The following ERBB4 variants were observed in gnomAD, a reference collection of about 807,000 sequenced individuals.
The protein encoded by ERBB4 is erb-b2 receptor tyrosine kinase 4, also known as receptor tyrosine-protein kinase erbB-4.
In ERBB4, 42 loss-of-function variants were observed where a neutral mutation model predicts 158.0. The observed-to-expected ratio is 0.27, with a 90% CI of 0.21 to 0.34. The LOEUF is 0.34. Among genes scored for constraint, ERBB4 ranks in the 10% least tolerant of loss-of-function variants. ERBB4 has a pLI of 1.00. For synonymous variants in ERBB4, 583 were observed against 558.7 expected (o/e 1.04, Z -0.61); for missense variants, 1,333 against 1,624.1 (o/e 0.82, Z 3.08).
chr2:211,879,351 C>A (rs1394028482), intron 3 of ERBB4, among the ~76,000 whole-genome samples: 2 of 151,930 alleles, frequency 1.3e-5, no homozygotes, highest in African/African-American at 2.4e-5. Flanking sequence ...GAATAACAGG[C>A]AAAATATATA....
Position 212,082,323 on chromosome 2 carries a change from A to G in ERBB4, c.234+42429T>C, listed in dbSNP as rs575235592. ...AAATATATTGTGTTTAATTTTTAAG[A>G]AACAAGGAGAAAATTCAAGGAGATT... On this transcript the variant is annotated intron_variant, in intron 2 of 27. Transcript: ENST00000342788. Among the ~76,000 whole-genome samples, 29 of 152,216 alleles carry G rather than the reference A, an allele frequency of 1.9e-4. No homozygotes were observed. The South Asian group carries it at 5.8e-3, about 30-fold the overall frequency.
chr2:212,449,142 A>G (rs1227122087), intron 1 of ERBB4, among the ~76,000 whole-genome samples: 2 of 152,036 alleles, frequency 1.3e-5, no homozygotes, highest in Non-Finnish European at 2.9e-5. Context: ...ACTAGTGCTT[A>G]TTTCTTCTTT....
intron 25 of ERBB4, among the ~76,000 whole-genome samples, chr2:211,414,760 C>G (rs953005118): frequency 2.0e-5 from 3 of 152,064 alleles, no homozygotes; most frequent in Non-Finnish European, 4.4e-5. Flanking sequence ...CCTCCTCCAT[C>G]CCCTCTGTTA....
chr2:211,413,964 T>G (rs1209227500), intron 25 of ERBB4, among the ~76,000 whole-genome samples: 1 of 151,314 alleles, frequency 6.6e-6, no homozygotes, highest in Non-Finnish European at 1.5e-5. Flanking sequence ...AAATTCCTGG[T>G]GGTTCCACCC....
chr2:212,088,519 C>T (rs1056889880), intron 2 of ERBB4, among the ~76,000 whole-genome samples: 2 of 152,096 alleles, frequency 1.3e-5, no homozygotes, highest in African/African-American at 2.4e-5. Flanking sequence ...CAATCCTGCA[C>T]GTGTCACAGA....
At position 212,039,981 on chromosome 2, in the gene ERBB4, A is replaced by G. The variant is rs115599723; in HGVS notation, c.234+84771T>C. On this transcript the variant is annotated intron_variant, in intron 2 of 27. Coordinates refer to ENST00000342788, the MANE Select transcript of ERBB4 (RefSeq NM_005235.3). ...TCTAATATATTTATGTGGAAACTAC[A>G]TAAGTACATATTTTGCCAAATTTAA... Among the ~76,000 whole-genome samples the G allele has an allele frequency of 7.6e-3, 1,150 of 152,240 alleles. 12 individuals carry two copies. Among genetic ancestry groups the G allele is most frequent in the African/African-American group, 0.025 (1,040 of 41,586 alleles).
At chr2:212,107,286 G>A (rs1339698894) in intron 2 of ERBB4, among the ~76,000 whole-genome samples, 1 of 152,210 alleles carries the variant, frequency 6.6e-6, no homozygotes, top group Non-Finnish European at 1.5e-5. Context: ...GCGTGACCTG[G>A]ATATGAGACA....
intron 2 of ERBB4, among the ~76,000 whole-genome samples, chr2:212,059,064 C>A (rs2077675052): frequency 6.6e-6 from 1 of 152,140 alleles, no homozygotes; most frequent in Non-Finnish European, 1.5e-5. Context: ...CCCAAAATCT[C>A]CTTAAGCTGA....
At chr2:211,637,618 A>T (rs1258662235) in intron 16 of ERBB4, among the ~76,000 whole-genome samples, 2 of 151,914 alleles carry the variant, frequency 1.3e-5, no homozygotes, top group East Asian at 1.9e-4. Context: ...ATTTAGCTCC[A>T]CTGAATGTGA....
intron 20 of ERBB4, among the ~76,000 whole-genome samples, chr2:211,479,768 G>C (rs2065038572): frequency 6.6e-6 from 1 of 152,044 alleles, no homozygotes; most frequent in Non-Finnish European, 1.5e-5. Context: ...CAATCACAAT[G>C]TTTTGGGGCA....
At chr2:211,444,840 C>A (rs1041855454) in intron 20 of ERBB4, among the ~76,000 whole-genome samples, 1 of 151,828 alleles carries the variant, frequency 6.6e-6, no homozygotes, top group African/African-American at 2.4e-5. Context: ...ACACAGATTA[C>A]GTAAATGATG....
intron 3 of ERBB4, among the ~76,000 whole-genome samples, chr2:211,943,659 C>T (rs774518407): frequency 5.9e-5 from 9 of 152,096 alleles, no homozygotes; most frequent in Non-Finnish European, 8.8e-5. Context: ...GCACCTGCCT[C>T]TTTCCCCCTC....
At chr2:212,191,887 ATGT>A (rs2082250999) in intron 1 of ERBB4, among the ~76,000 whole-genome samples, 1 of 68 alleles carries the variant, frequency 0.015, no homozygotes, top group Non-Finnish European at 0.071. Context: ...CATATGTTAC[ATGT>A]TATATATTAT....
chr2:211,533,032 A>AATAT (rs10635576), intron 20 of ERBB4, among the ~76,000 whole-genome samples: 1 of 150,040 alleles, frequency 6.7e-6, no homozygotes, highest in Non-Finnish European at 1.5e-5. Context: ...TATTATAAAT[A>AATAT]ATAAAGTGGT....
chr2:211,797,554 G>A (rs1223582654), intron 3 of ERBB4, among the ~76,000 whole-genome samples: 2 of 151,830 alleles, frequency 1.3e-5, no homozygotes, highest in Non-Finnish European at 2.9e-5. Context: ...GCAAGAGAAA[G>A]AATAATGATT....
chr2:212,045,864 A>G (rs886510429), intron 2 of ERBB4, among the ~76,000 whole-genome samples: 1 of 152,186 alleles, frequency 6.6e-6, no homozygotes, highest in Non-Finnish European at 1.5e-5. Context: ...ACAAATGACC[A>G]GTAATATATA....
At chr2:211,529,041 A>G (rs911784259) in intron 20 of ERBB4, among the ~76,000 whole-genome samples, 2 of 152,046 alleles carry the variant, frequency 1.3e-5, no homozygotes, top group Non-Finnish European at 2.9e-5. Context: ...AAGAAAACAA[A>G]AGATCAACAG....
intron 20 of ERBB4, among the ~76,000 whole-genome samples, chr2:211,526,591 T>C (rs2066356179): frequency 6.6e-6 from 1 of 152,026 alleles, no homozygotes; most frequent in Non-Finnish European, 1.5e-5. Flanking sequence ...CCAAATAAAC[T>C]AAATATCCCA....
intron 3 of ERBB4, among the ~76,000 whole-genome samples, chr2:211,923,323 G>A (rs2079922345): frequency 6.6e-6 from 1 of 152,146 alleles, no homozygotes; most frequent in African/African-American, 2.4e-5. Flanking sequence ...TTATCCATTG[G>A]ATGTGACTAC....
Sources: gnomAD v4.1 joint callset for allele counts (sites outside exome capture counted in the v4.1 genomes callset) on GRCh38, gnomAD v4.1.1 for gene constraint, MANE v1.5 for transcripts, NCBI Gene and HGNC (gene_info 2026-07-23, HGNC 2026-07-21) for gene names.